Variants in FTO observed in about 807,000 individuals in gnomAD.
FTO encodes alpha-ketoglutarate-dependent dioxygenase FTO.
In FTO, 47 loss-of-function variants were observed where a neutral mutation model predicts 63.9. That is an observed-to-expected ratio of 0.74 (90% CI 0.58 to 0.94). FTO has a LOEUF of 0.94. Ranked by LOEUF, FTO falls within the 40% of genes least tolerant of loss-of-function variation. The pLI is 0.00. For missense variants in FTO, 562 were observed against 618.1 expected (o/e 0.91, Z 0.96); for synonymous variants, 207 against 224.4 (o/e 0.92, Z 0.69).
chr16:53,914,080 G>A (rs1026089427), intron 7 of FTO, among the ~76,000 whole-genome samples: 32 of 151,858 alleles, frequency 2.1e-4, no homozygotes, highest in African/African-American at 7.2e-4. Context: ...GTCTTCTCAC[G>A]ATCACTTCCC....
intron 7 of FTO, among the ~76,000 whole-genome samples, chr16:53,906,929 T>C (rs908989448): frequency 2.6e-5 from 4 of 152,148 alleles, no homozygotes; most frequent in African/African-American, 7.2e-5. Context: ...CTCTTACCTT[T>C]GAAATACCTC....
intron 3 of FTO, among the ~76,000 whole-genome samples, chr16:53,840,621 G>A (rs932195736): frequency 4.6e-5 from 7 of 152,274 alleles, no homozygotes; most frequent in South Asian, 2.1e-4. Context: ...GTAAATGAAT[G>A]GGCATGACTG....
chr16:53,876,117 T>TA (rs1185311289), intron 5 of FTO, among the ~76,000 whole-genome samples: 4 of 151,958 alleles, frequency 2.6e-5, no homozygotes, highest in African/African-American at 7.3e-5. Context: ...GGTTCAAAAT[T>TA]AAAAAAAATA....
intron 8 of FTO, chr16:53,992,230 T>C (rs2083828651): frequency 6.6e-6 from 1 of 152,226 alleles, no homozygotes; most frequent in Admixed American, 6.5e-5. Flanking sequence ...TGGGGACTAA[T>C]CTAAACCAGT....
chr16:53,832,164 A>G (rs1216507720), intron 3 of FTO, among the ~76,000 whole-genome samples: 1 of 152,220 alleles, frequency 6.6e-6, no homozygotes, highest in Non-Finnish European at 1.5e-5. Flanking sequence ...AAGGATAACC[A>G]GCAGTGGCAT....
chr16:53,791,897 A>C (rs567980827), intron 1 of FTO, among the ~76,000 whole-genome samples: 1 of 151,690 alleles, frequency 6.6e-6, no homozygotes, highest in Non-Finnish European at 1.5e-5. Context: ...CACGGTGAAA[A>C]CCCCGTCTCT....
intron 8 of FTO, among the ~76,000 whole-genome samples, chr16:54,069,004 T>A (rs1426773897): frequency 6.6e-6 from 1 of 152,204 alleles, no homozygotes; most frequent in African/African-American, 2.4e-5. Context: ...CAACCATATA[T>A]ATTTCCAAAA....
In FTO at chr16:53,704,205, C is replaced by G; in HGVS notation, c.21C>G (p.Ala7=). The G allele has an allele frequency of 1.9e-6, 3 of 1,551,458 alleles. No homozygotes were observed. The highest frequency in any genetic ancestry group is 2.6e-6 in the Non-Finnish European group (3 of 1,146,832). The stretch of plus-strand genomic sequence containing the variant: ...GCAGCATGAAGCGCACCCCGACTGC[C>G]GAGGAACGAGAGCGCGAAGCTAAGG... MKRTPT[A]EEREREAKKL... The change falls in exon 1 of 9, where the codon GCC becomes GCG. Residue 7 remains alanine (A), a synonymous_variant. Coordinates refer to ENST00000471389, the MANE Select transcript of FTO (RefSeq NM_001080432.3).
chr16:54,009,911 G>A (rs1171227248), intron 8 of FTO, among the ~76,000 whole-genome samples: 1 of 152,110 alleles, frequency 6.6e-6, no homozygotes, highest in Admixed American at 6.5e-5. Flanking sequence ...TAAGTGTCGG[G>A]GTTGAAGGTT....
At chr16:53,911,471 AT>A (rs1326621555) in intron 7 of FTO, 2 of 702,990 alleles carry the variant, frequency 2.8e-6, no homozygotes, top group African/African-American at 3.5e-5. Context: ...CATGGGAAGA[AT>A]TTCAGTAGAA....
intron 8 of FTO, among the ~76,000 whole-genome samples, chr16:53,984,214 G>A (rs1159232093): frequency 2.6e-5 from 4 of 151,414 alleles, no homozygotes; most frequent in African/African-American, 9.7e-5. Flanking sequence ...GAGTCAAGTT[G>A]CAGAAAAGTT....
intron 1 of FTO, among the ~76,000 whole-genome samples, chr16:53,708,884 A>G (rs538633376): frequency 1.8e-4 from 28 of 152,258 alleles, no homozygotes; most frequent in Non-Finnish European, 3.7e-4. Flanking sequence ...TGTTCCTATT[A>G]TTAAGTTTTA....
chr16:53,886,959 AAG>A (rs1171649292), intron 6 of FTO: 6 of 152,220 alleles, frequency 3.9e-5, no homozygotes, highest in Non-Finnish European at 7.3e-5. Flanking sequence ...CAGTGGTAAA[AAG>A]AGTATTTAAG....
intron 8 of FTO, among the ~76,000 whole-genome samples, chr16:53,961,878 T>A (rs914277829): frequency 6.6e-6 from 1 of 152,086 alleles, no homozygotes; most frequent in Non-Finnish European, 1.5e-5. Context: ...CAGTGTGAAA[T>A]AAGACTTCCC....
intron 1 of FTO, among the ~76,000 whole-genome samples, chr16:53,779,956 C>T (rs1297911466): frequency 6.6e-6 from 1 of 152,212 alleles, no homozygotes; most frequent in Non-Finnish European, 1.5e-5. Context: ...CAGACTTCTG[C>T]ACCCTCAATG....
Position 54,103,558 on chromosome 16 carries a change from C to T in FTO, c.1365-8204C>T, listed in dbSNP as rs182200676. ...AAAAGCCTTTCAAAGAAAAAGTGAA[C>T]GTGTCTTTTGTCAAAACTCATTTAG... On this transcript the variant is annotated intron_variant, in intron 8 of 8. Transcript: ENST00000471389. Among the ~76,000 whole-genome samples the T allele has an allele frequency of 5.9e-5, 9 of 152,280 alleles. No individual in the cohort carries two copies. In the South Asian group the frequency reaches 6.2e-4, roughly 11 times the overall value.
At chr16:53,834,088 G>T (rs947303070) in intron 3 of FTO, among the ~76,000 whole-genome samples, 4 of 151,728 alleles carry the variant, frequency 2.6e-5, no homozygotes, top group African/African-American at 7.3e-5. Context: ...GCAGTGGCGC[G>T]ATCTCAGCTC....
intron 5 of FTO, among the ~76,000 whole-genome samples, chr16:53,877,308 A>G (rs1314347896): frequency 6.6e-6 from 1 of 152,262 alleles, no homozygotes; most frequent in Non-Finnish European, 1.5e-5. Context: ...TCATCACTTA[A>G]TGAATGGATA....
intron 1 of FTO, among the ~76,000 whole-genome samples, chr16:53,733,398 G>A (rs146461396): frequency 0.011 from 1,709 of 151,978 alleles, 48 homozygotes; most frequent in Admixed American, 0.064. Context: ...GCAAAACTCC[G>A]TCTCCAAAAA....
Sources: allele counts gnomAD v4.1 joint callset (sites outside exome capture counted in the v4.1 genomes callset), GRCh38; gene constraint gnomAD v4.1.1; transcripts MANE v1.5; gene names NCBI Gene and HGNC (gene_info 2026-07-23, HGNC 2026-07-21).